The following OCIAD2 variants were observed in gnomAD, a reference collection of about 807,000 sequenced individuals.
OCIAD2 encodes the protein OCIA domain-containing protein 2.
OCIAD2 carries 29 observed loss-of-function variants against 22.9 expected under a neutral mutation model. The observed-to-expected ratio is 1.27, with a 90% confidence interval of 0.94 to 1.73. The LOEUF is 1.73. OCIAD2 is among the 40% of genes most tolerant of loss of function. The pLI is 0.00. For missense variants in OCIAD2, 189 were observed against 180.3 expected, an observed-to-expected ratio of 1.05 and a Z score of -0.28; for synonymous variants, 67 against 60.2, an observed-to-expected ratio of 1.11 and a Z score of -0.52.
At chr4:48,899,978 C>T in intron 2 of OCIAD2, 53 bp from the exon 3 acceptor site, 2 of 1,334,230 alleles carry the variant, frequency 1.5e-6, no homozygotes, top group Non-Finnish European at 2.1e-6. Flanking sequence ...AAATCACCCA[C>T]TTTGTTTTCT....
chr4:48,890,117 GA>G (rs1319850527), intron 6 of OCIAD2, among the ~76,000 whole-genome samples: 7 of 111,438 alleles, frequency 6.3e-5, no homozygotes, highest in South Asian at 3.7e-4. Context: ...GGGGTGGGGG[GA>G]GGGGGAAGAG....
intron 3 of OCIAD2, 134 bp downstream of exon 3, chr4:48,899,695 C>A: frequency 1.6e-6 from 1 of 630,512 alleles, no homozygotes; most frequent in African/African-American, 1.9e-5. Flanking sequence ...TGGATTTAAA[C>A]TCTAAACATC....
intron 4 of OCIAD2, among the ~76,000 whole-genome samples, chr4:48,895,703 G>A (rs1781287329): frequency 6.6e-6 from 1 of 152,164 alleles, no homozygotes; most frequent in Non-Finnish European, 1.5e-5. Flanking sequence ...TAGATTTGGA[G>A]TATTTTAATA....
chr4:48,905,134 C>T (rs993935359), intron 1 of OCIAD2, among the ~76,000 whole-genome samples: 8 of 151,962 alleles, frequency 5.3e-5, no homozygotes, highest in African/African-American at 1.5e-4. Context: ...GTTACAGGGA[C>T]GTGAACAAAG....
chr4:48,900,008 T>C lies in OCIAD2; in HGVS notation c.67-83A>G. ...TTTTCTACAGAAGAGAACAGGGAGG[T>C]CTCTTCACTTGTTACACAGTGTGTG... On this transcript the variant is annotated intron_variant, in intron 2 of 6. Coordinates refer to ENST00000508632, the MANE Select transcript of OCIAD2 (RefSeq NM_001014446.3). 3 of 938,670 alleles carry C rather than the reference T, an allele frequency of 3.2e-6. No homozygotes were observed. The African/African-American group carries it at 4.9e-5, about 15-fold the overall frequency. 58.1% of individuals were successfully genotyped at this position (938,670 alleles called of 1,614,324 possible). A position where few individuals can be genotyped will look rare whatever the true frequency, so the allele number is the denominator to read the frequency against.
intron 6 of OCIAD2, among the ~76,000 whole-genome samples, chr4:48,886,225 C>G (rs1444223358): frequency 6.6e-6 from 1 of 152,116 alleles, no homozygotes; most frequent in Non-Finnish European, 1.5e-5. Flanking sequence ...TGTCAAAGAT[C>G]AGATGGTTGT....
intron 3 of OCIAD2, among the ~76,000 whole-genome samples, 175 bp from the exon 4 acceptor site, chr4:48,898,032 T>C (rs1781337574): frequency 6.6e-6 from 1 of 152,242 alleles, no homozygotes; most frequent in Admixed American, 6.5e-5. Flanking sequence ...GAGAATTTTC[T>C]TGGAATCTTC....
At chr4:48,895,731 T>C (rs1223276743) in intron 4 of OCIAD2, among the ~76,000 whole-genome samples, 1 of 152,196 alleles carries the variant, frequency 6.6e-6, no homozygotes, top group East Asian at 1.9e-4. Flanking sequence ...AACATAATCC[T>C]GGCTGGGTGC....
chr4:48,897,376 G>A (rs1307592712), intron 4 of OCIAD2, among the ~76,000 whole-genome samples: 2 of 152,080 alleles, frequency 1.3e-5, no homozygotes, highest in Non-Finnish European at 2.9e-5. Flanking sequence ...TCTTGAGGCT[G>A]CCCACATTCC....
intron 1 of OCIAD2, among the ~76,000 whole-genome samples, chr4:48,906,230 G>T (rs1781521666): frequency 6.6e-6 from 1 of 152,150 alleles, no homozygotes; most frequent in Non-Finnish European, 1.5e-5. Flanking sequence ...CCCCACGCTG[G>T]GGTGGTCCGG....
At chr4:48,898,380 A>G (rs59033732) in intron 3 of OCIAD2, among the ~76,000 whole-genome samples, 30,310 of 152,184 alleles carry the variant, frequency 0.2, 3,585 homozygotes, top group East Asian at 0.26. Context: ...ATTTGCAAAC[A>G]TTATGACTCT....
chr4:48,887,892 G>T (rs1373104454), intron 6 of OCIAD2, among the ~76,000 whole-genome samples: 2 of 152,174 alleles, frequency 1.3e-5, no homozygotes, highest in Admixed American at 1.3e-4. Context: ...TTGGTAGCTT[G>T]ATGGGGATGG....
At chr4:48,904,669 A>G in intron 1 of OCIAD2, 58 bp from the exon 2 acceptor site, 2 of 928,828 alleles carry the variant, frequency 2.2e-6, no homozygotes, top group Non-Finnish European at 3.5e-6. Flanking sequence ...TCAAGCTTAA[A>G]AGCATCCTGA....
chr4:48,894,202 G>C (rs1010278980), intron 4 of OCIAD2, 149 bp from the exon 5 acceptor site: 1 of 362,662 alleles, frequency 2.8e-6, no homozygotes, highest in African/African-American at 2.1e-5. Flanking sequence ...ACTTTAAAAA[G>C]ATGATCTTGG....
At position 48,885,618 on chromosome 4, in the gene OCIAD2, T is replaced by TA; in HGVS notation, c.384-54dup. On this transcript the variant is annotated intron_variant, in intron 6 of 6. Coordinates refer to ENST00000508632, the MANE Select transcript of OCIAD2 (RefSeq NM_001014446.3). The stretch of plus-strand genomic sequence containing the variant: ...GTTTGTACTTTGACACTGGAAGCCC[T>TA]AGTCTTTACATAACATATTATTCTT... The TA allele has an allele frequency of 5.7e-6, 5 of 879,398 alleles. No homozygotes were observed. The East Asian group carries it at 1.2e-4, about 21-fold the overall frequency. 54.5% of individuals were successfully genotyped at this position (879,398 alleles called of 1,614,324 possible).
intron 6 of OCIAD2, among the ~76,000 whole-genome samples, chr4:48,886,563 T>G (rs1553904874): frequency 6.7e-6 from 1 of 149,492 alleles, no homozygotes; most frequent in Non-Finnish European, 1.5e-5. Flanking sequence ...ATTGTTCAGT[T>G]CCCACCTATG....
Position 48,904,422 on chromosome 4 carries a change from C to G in OCIAD2, c.66+62G>C, listed in dbSNP as rs567064481. 324 of 1,431,722 alleles carry G rather than the reference C, an allele frequency of 2.3e-4. 2 individuals are homozygous for G. Among genetic ancestry groups the G allele is most frequent in the East Asian group, 2.1e-3 (92 of 44,026 alleles). 88.7% of individuals were successfully genotyped at this position (1,431,722 alleles called of 1,614,324 possible). A position where few individuals can be genotyped will look rare whatever the true frequency, so the allele number is the denominator to read the frequency against. ...CATGACTGCACCACTGCACTCCAGT[C>G]TGGGTGACAGTGTGAGATCGTGTCT... On this transcript the variant is annotated intron_variant, in intron 2 of 6. Coordinates refer to ENST00000508632, the MANE Select transcript of OCIAD2 (RefSeq NM_001014446.3).
intron 5 of OCIAD2, 111 bp from the exon 6 acceptor site, chr4:48,893,000 C>A (rs1197483526): frequency 9.5e-6 from 6 of 629,294 alleles, no homozygotes; most frequent in Non-Finnish European, 1.7e-5. Flanking sequence ...CACGCTAAAT[C>A]AATGAATGAA....
At chr4:48,903,724 C>G (rs1033819257) in intron 2 of OCIAD2, among the ~76,000 whole-genome samples, 4 of 149,860 alleles carry the variant, frequency 2.7e-5, no homozygotes, top group South Asian at 4.2e-4. Flanking sequence ...CGGCTCACTG[C>G]AAGCTCCGCC....
Sources: gnomAD v4.1 joint callset for allele counts (sites outside exome capture counted in the v4.1 genomes callset) on GRCh38, gnomAD v4.1.1 for gene constraint, MANE v1.5 for transcripts, NCBI Gene and HGNC (gene_info 2026-07-23, HGNC 2026-07-21) for gene names.